The following NCAM1 variants were observed in gnomAD, a reference collection of about 807,000 sequenced individuals.
NCAM1 encodes neural cell adhesion molecule 1.
A neutral mutation model predicts 109.8 loss-of-function variants in NCAM1; 14 were observed. The ratio of observed to expected loss-of-function variants is 0.13; its 90% CI spans 0.08 to 0.20. The LOEUF is 0.20. Among genes scored for constraint, NCAM1 ranks in the 10% least tolerant of loss-of-function variants. The pLI, the probability that NCAM1 is intolerant of heterozygous loss-of-function variation, is 1.00. For missense variants in NCAM1, 774 were observed against 1,109.9 expected (o/e 0.70, Z 4.30); for synonymous variants, 418 against 442.9 (o/e 0.94, Z 0.70).
chr11:113,003,294 T>C (rs996843398), intron 1 of NCAM1, among the ~76,000 whole-genome samples: 8 of 152,362 alleles, frequency 5.3e-5, no homozygotes, highest in African/African-American at 1.9e-4. Context: ...ATATGTGTCA[T>C]TTTACCGCTA....
Position 113,233,271 on chromosome 11 carries a change from A to T in NCAM1, c.1647A>T (p.Ala549=). Residue 549 remains alanine (A), a synonymous_variant, in exon 13 of 20, where the codon GCA becomes GCT. Coordinates refer to ENST00000316851, the MANE Select transcript of NCAM1 (RefSeq NM_181351.5). This position sits in a 1 kb window ranked among gnomAD's most constrained non-coding sequence, Gnocchi z 4.5. ...PILKYKAEWR[A]VGEEVWHSKW... is the part of the protein sequence containing the mutation. ...TCAAATACAAAGCTGAGTGGAGAGC[A>T]GTTGGTGAAGAAGTATGGCATTCCA... The T allele has an allele frequency of 1.2e-6, 2 of 1,613,804 alleles. 1 individual carries two copies.
rs782400741 is a variant in NCAM1 at position 112,961,563 on chromosome 11, G to C, written c.-50G>C. The C allele has an allele frequency of 1.7e-6, 2 of 1,175,564 alleles. No individual in the cohort carries two copies. The highest frequency in any genetic ancestry group is 3.4e-5 in the Admixed American group (2 of 59,254). The allele number at this position is 1,175,564 out of a possible 1,614,324, so 72.8% of individuals were successfully genotyped here. ...CGTCCACACTCGCTGCAGGGGGGGGGGCACAGAATTTACCGCGGCAAGAAC... is the reference window on the plus strand; with the variant it reads ...CGTCCACACTCGCTGCAGGGGGGGGCGCACAGAATTTACCGCGGCAAGAAC... On this transcript the variant is annotated 5_prime_UTR_variant, in exon 1 of 20. Coordinates refer to ENST00000316851, the MANE Select transcript of NCAM1 (RefSeq NM_181351.5).
In NCAM1 at chr11:113,028,347, CA is replaced by C. The variant is rs57471171; in HGVS notation, c.52+66693del. On this transcript the variant is annotated intron_variant, in intron 1 of 19. Coordinates refer to ENST00000316851, the MANE Select transcript of NCAM1 (RefSeq NM_181351.5). ...TTATAAACACGTTTTTTGAACTTGT[CA>C]AAAAAAAAAGAATAGAATGGGAAGC... Among the ~76,000 whole-genome samples, 1,362 of 143,992 alleles carry C rather than the reference CA, an allele frequency of 9.5e-3. 22 individuals carry two copies. The highest frequency in any genetic ancestry group is 0.032 in the African/African-American group (1,266 of 39,342). 94.5% of individuals were successfully genotyped at this position (143,992 alleles called of 152,430 possible). A position where few individuals can be genotyped will look rare whatever the true frequency, so the allele number is the denominator to read the frequency against.
intron 1 of NCAM1, among the ~76,000 whole-genome samples, chr11:113,185,450 G>A (rs1319516030): frequency 1.3e-5 from 2 of 152,120 alleles, no homozygotes; most frequent in Non-Finnish European, 2.9e-5. Context: ...ATCTCATTCA[G>A]AAACACCCTC....
intron 1 of NCAM1, among the ~76,000 whole-genome samples, chr11:113,163,126 C>T (rs1309867528): frequency 2.0e-5 from 3 of 152,194 alleles, no homozygotes; most frequent in African/African-American, 7.2e-5. Context: ...ATCTGGCAAC[C>T]TCAAACTCTG....
At chr11:113,243,527 A>G (rs1555119516) in intron 14 of NCAM1, 2 of 517,874 alleles carry the variant, frequency 3.9e-6, no homozygotes, top group East Asian at 5.5e-5. Context: ...CAAGAGCCAG[A>G]TTGTATCCTC....
intron 1 of NCAM1, among the ~76,000 whole-genome samples, chr11:113,137,852 C>T (rs1017693763): frequency 2.6e-5 from 4 of 152,116 alleles, no homozygotes; most frequent in East Asian, 1.9e-4. Flanking sequence ...TTTGACCAGT[C>T]GTGTTCGGAA....
intron 1 of NCAM1, among the ~76,000 whole-genome samples, chr11:113,075,227 C>T (rs906068090): frequency 1.3e-5 from 2 of 151,992 alleles, no homozygotes; most frequent in African/African-American, 2.4e-5. Flanking sequence ...CAACCACACT[C>T]GGCAAATTTT....
At chr11:113,256,084 C>T (rs1332271666) in intron 16 of NCAM1, 83 bp downstream of exon 16, 95 of 1,510,070 alleles carry the variant, frequency 6.3e-5, no homozygotes, top group South Asian at 4.9e-4. Context: ...GGGCAGCCCA[C>T]GGGGCAGGGG....
At chr11:112,980,285 C>T (rs1450986213) in intron 1 of NCAM1, among the ~76,000 whole-genome samples, 2 of 151,800 alleles carry the variant, frequency 1.3e-5, no homozygotes, top group Admixed American at 6.6e-5. Context: ...ACAAGTCTGG[C>T]AGTTCTTAAA....
chr11:112,968,484 G>A (rs797034374), intron 1 of NCAM1, among the ~76,000 whole-genome samples: 6 of 152,208 alleles, frequency 3.9e-5, no homozygotes, highest in African/African-American at 1.2e-4. Context: ...TAATCATCAC[G>A]TTATGGTTTA....
intron 1 of NCAM1, among the ~76,000 whole-genome samples, chr11:113,124,176 G>A (rs191605079): frequency 1.3e-5 from 2 of 152,350 alleles, no homozygotes; most frequent in East Asian, 3.9e-4. Context: ...AAGACCCGGA[G>A]CTAATTCCAC....
At chr11:113,056,418 A>T (rs573901880) in intron 1 of NCAM1, among the ~76,000 whole-genome samples, 2 of 152,314 alleles carry the variant, frequency 1.3e-5, no homozygotes, top group South Asian at 4.1e-4. Context: ...CAAAGAAAAG[A>T]TAAATGTTTG....
intron 1 of NCAM1, among the ~76,000 whole-genome samples, chr11:113,178,686 G>C (rs1005076961): frequency 6.6e-6 from 1 of 152,320 alleles, no homozygotes; most frequent in East Asian, 1.9e-4. Flanking sequence ...CAAAAAGAAA[G>C]AAGATGAATT....
intron 1 of NCAM1, among the ~76,000 whole-genome samples, chr11:113,162,714 T>A (rs2136367376): frequency 6.6e-6 from 1 of 152,234 alleles, no homozygotes; most frequent in South Asian, 2.1e-4. Flanking sequence ...ACCAGGAATG[T>A]TATTGGATTC....
At chr11:112,999,879 A>C (rs534882379) in intron 1 of NCAM1, among the ~76,000 whole-genome samples, 3 of 152,202 alleles carry the variant, frequency 2.0e-5, no homozygotes, top group African/African-American at 2.4e-5. Flanking sequence ...TGAGAAGTAA[A>C]GTTTACTTAC....
chr11:113,079,467 C>A (rs528922773), intron 1 of NCAM1, among the ~76,000 whole-genome samples: 112 of 152,192 alleles, frequency 7.4e-4, no homozygotes, highest in Non-Finnish European at 1.3e-3. Flanking sequence ...TGGGTATGTC[C>A]CAATACTTAT....
At position 112,963,011 on chromosome 11, in the gene NCAM1, G is replaced by A. The variant is rs552116934; in HGVS notation, c.52+1347G>A. Among the ~76,000 whole-genome samples, 1 of 152,202 alleles carries A rather than the reference G, an allele frequency of 6.6e-6. No homozygotes were observed. The highest frequency in any genetic ancestry group is 2.1e-4 in the South Asian group (1 of 4,824). On this transcript the variant is annotated intron_variant, in intron 1 of 19. Coordinates refer to ENST00000316851, the MANE Select transcript of NCAM1 (RefSeq NM_181351.5). The surrounding 1 kb of genome is among the most constrained non-coding windows in gnomAD (Gnocchi z 4.6). The stretch of plus-strand genomic sequence containing the variant: ...CACGGGGCGGGCCAGGGAGCACCCA[G>A]TGCGCCCCCTCCGCGGGCGGCACAA...
At chr11:113,144,044 A>C (rs1941927090) in intron 1 of NCAM1, among the ~76,000 whole-genome samples, 1 of 152,180 alleles carries the variant, frequency 6.6e-6, no homozygotes, top group Non-Finnish European at 1.5e-5. Context: ...TAGCATAGCA[A>C]AACTGGTCCC....
Sources: allele counts gnomAD v4.1 joint callset (sites outside exome capture counted in the v4.1 genomes callset), GRCh38; gene constraint gnomAD v4.1.1; non-coding constraint Gnocchi (gnomAD v3.1); transcripts MANE v1.5; gene names NCBI Gene and HGNC (gene_info 2026-07-23, HGNC 2026-07-21).